The following ARL15 variants were observed in gnomAD, a reference collection of about 807,000 sequenced individuals.
ARL15 encodes the protein ADP-ribosylation factor-like protein 15.
In ARL15, 19 loss-of-function variants were observed where a neutral mutation model predicts 25.2. The ratio of observed to expected loss-of-function variants is 0.75; its 90% confidence interval spans 0.53 to 1.10. The LOEUF is 1.10. Ranked by LOEUF, ARL15 falls within the 50% of genes least tolerant of loss-of-function variation. The pLI, the probability that ARL15 is intolerant of heterozygous loss-of-function variation, is 0.00. For synonymous variants in ARL15, 94 were observed against 86.8 expected (o/e 1.08, Z -0.46); for missense variants, 220 against 246.0 (o/e 0.89, Z 0.71).
chr5:53,942,159 A>C (rs1746559057), intron 4 of ARL15, among the ~76,000 whole-genome samples: 3 of 149,192 alleles, frequency 2.0e-5, no homozygotes. Context: ...GGTCTTGCTC[A>C]TGTGGGCACT....
At chr5:53,990,158 G>A (rs772258787) in intron 4 of ARL15, among the ~76,000 whole-genome samples, 52 of 151,964 alleles carry the variant, frequency 3.4e-4, no homozygotes, top group Middle Eastern at 6.8e-3. Context: ...AGCCCAGGTC[G>A]TCTATAGTGA....
intron 2 of ARL15, among the ~76,000 whole-genome samples, chr5:54,168,399 C>CTT (rs10611567): frequency 6.7e-6 from 1 of 148,648 alleles, no homozygotes; most frequent in Non-Finnish European, 1.5e-5. Flanking sequence ...ATTCTCCCTA[C>CTT]TTTTTTTTTT....
chr5:54,214,786 C>T (rs901868608), intron 1 of ARL15, among the ~76,000 whole-genome samples: 1 of 152,168 alleles, frequency 6.6e-6, no homozygotes, highest in African/African-American at 2.4e-5. Context: ...CCTCATGTCT[C>T]TCACTTTCCT....
intron 1 of ARL15, among the ~76,000 whole-genome samples, chr5:54,175,562 C>T (rs1233168455): frequency 5.9e-5 from 9 of 151,478 alleles, no homozygotes; most frequent in Non-Finnish European, 8.8e-5. Context: ...CTTGAACTCT[C>T]GACTTCAGGT....
rs200228180 is a variant in ARL15, at chr5:54,215,625, AG to A, written c.49-43698del. Among the ~76,000 whole-genome samples the A allele has an allele frequency of 4.9e-4, 32 of 65,392 alleles. No homozygotes were observed. The East Asian group carries it at 5.0e-3, about 10-fold the overall frequency. The allele number at this position is 65,392 out of a possible 152,430, so 42.9% of individuals were successfully genotyped here. A position where few individuals can be genotyped will look rare whatever the true frequency, so the allele number is the denominator to read the frequency against. On this transcript the variant is annotated intron_variant, in intron 1 of 4. Transcript: ENST00000504924. Reference sequence around the variant, plus strand: ...CTCAAGCTAAGTGCGCGAAGGGGGGAGGGGGGGAAAAAGGAACTGAATATTT... The same window carrying A: ...CTCAAGCTAAGTGCGCGAAGGGGGGAGGGGGGAAAAAGGAACTGAATATTT...
chr5:54,244,884 G>T (rs1177768644), intron 1 of ARL15, among the ~76,000 whole-genome samples: 1 of 151,228 alleles, frequency 6.6e-6, no homozygotes, highest in Non-Finnish European at 1.5e-5. Flanking sequence ...TTTTAAATTT[G>T]AAAATTTTAA....
chr5:54,080,063 A>G (rs1751747955), intron 4 of ARL15, among the ~76,000 whole-genome samples: 2 of 151,796 alleles, frequency 1.3e-5, no homozygotes, highest in African/African-American at 2.4e-5. Flanking sequence ...TTAGGAAATG[A>G]CCTTCTATGA....
At chr5:53,901,731 T>G (rs72763135) in intron 4 of ARL15, among the ~76,000 whole-genome samples, 13,084 of 152,156 alleles carry the variant, frequency 0.086, 694 homozygotes, top group Non-Finnish European at 0.13. Flanking sequence ...GAGTTCCATA[T>G]TTTATGAGGT....
intron 4 of ARL15, among the ~76,000 whole-genome samples, chr5:54,042,751 A>G (rs1229745748): frequency 6.6e-6 from 1 of 152,210 alleles, no homozygotes; most frequent in East Asian, 1.9e-4. Context: ...ACCTGAATTT[A>G]CATGGTCTCC....
chr5:54,196,648 G>A (rs981966858), intron 1 of ARL15, among the ~76,000 whole-genome samples: 2 of 152,002 alleles, frequency 1.3e-5, no homozygotes, highest in Non-Finnish European at 2.9e-5. Context: ...GGTGTGGGTA[G>A]AACAGAAAAC....
At chr5:54,058,002 TTA>T (rs1298290499) in intron 4 of ARL15, among the ~76,000 whole-genome samples, 5 of 143,306 alleles carry the variant, frequency 3.5e-5, no homozygotes, top group East Asian at 2.0e-4. Flanking sequence ...ATTTATTTAT[TTA>T]TTTATTTATT....
At chr5:54,015,612 G>A (rs1749403136) in intron 4 of ARL15, among the ~76,000 whole-genome samples, 1 of 152,082 alleles carries the variant, frequency 6.6e-6, no homozygotes, top group African/African-American at 2.4e-5. Context: ...TATTGACATG[G>A]CAAACATTTT....
intron 1 of ARL15, among the ~76,000 whole-genome samples, chr5:54,175,523 C>T (rs1206359893): frequency 1.3e-5 from 2 of 151,298 alleles, no homozygotes; most frequent in East Asian, 2.0e-4. Context: ...TTAGTAGAGA[C>T]GGGGTTTCAC....
intron 4 of ARL15, among the ~76,000 whole-genome samples, chr5:54,056,829 G>C (rs978930773): frequency 1.3e-5 from 2 of 151,972 alleles, no homozygotes; most frequent in East Asian, 3.9e-4. Context: ...TGGGCAAATC[G>C]TTGTTTTCCA....
intron 1 of ARL15, among the ~76,000 whole-genome samples, chr5:54,241,182 A>C (rs1261060941): frequency 6.6e-6 from 1 of 152,162 alleles, no homozygotes; most frequent in Non-Finnish European, 1.5e-5. Context: ...CTGTCCATAA[A>C]GAAAGAAAGA....
At chr5:54,170,317 G>A (rs62370444) in intron 2 of ARL15, among the ~76,000 whole-genome samples, 3,425 of 152,090 alleles carry the variant, frequency 0.023, 55 homozygotes, top group Non-Finnish European at 0.032. Context: ...TTCTGCCTCC[G>A]CCTCCAACTG....
intron 4 of ARL15, among the ~76,000 whole-genome samples, chr5:54,109,924 T>G (rs1752692530): frequency 6.6e-6 from 1 of 151,970 alleles, no homozygotes; most frequent in South Asian, 2.1e-4. Context: ...TCCTAGAGTT[T>G]TGCTGTTGTT....
intron 4 of ARL15, among the ~76,000 whole-genome samples, chr5:53,922,687 G>A (rs894193979): frequency 2.6e-5 from 4 of 152,286 alleles, no homozygotes; most frequent in Middle Eastern, 3.4e-3. Context: ...AGGCCAGTAC[G>A]TCAATATTTT....
intron 4 of ARL15, among the ~76,000 whole-genome samples, chr5:54,019,553 G>A (rs1749530737): frequency 6.6e-6 from 1 of 152,074 alleles, no homozygotes; most frequent in East Asian, 1.9e-4. Flanking sequence ...GTATGTTGGG[G>A]CCATGAAGTC....
Sources: gnomAD v4.1 joint callset for allele counts (sites outside exome capture counted in the v4.1 genomes callset) on GRCh38, gnomAD v4.1.1 for gene constraint, MANE v1.5 for transcripts, NCBI Gene and HGNC (gene_info 2026-07-23, HGNC 2026-07-21) for gene names.